INSC: variants seen among roughly 807,000 people sequenced by gnomAD.
The protein encoded by INSC is protein inscuteable homolog.
INSC carries 67 observed loss-of-function variants against 58.6 expected under a neutral mutation model. The ratio of observed to expected loss-of-function variants is 1.14; its 90% confidence interval spans 0.94 to 1.40. INSC has a LOEUF of 1.40. INSC is among the 40% of genes most tolerant of loss of function. The probability of loss-of-function intolerance (pLI) is 0.00; values close to 1 mark genes in which losing one functional copy is unlikely to be tolerated. For synonymous variants in INSC, 262 were observed against 276.1 expected (o/e 0.95, Z 0.51); for missense variants, 714 against 692.0 (o/e 1.03, Z -0.36).
intron 4 of INSC, 79 bp from the exon 5 acceptor site, chr11:15,178,245 C>A: frequency 6.4e-7 from 1 of 1,565,772 alleles, no homozygotes; most frequent in South Asian, 1.2e-5. Flanking sequence ...TGTAGCAGGT[C>A]CAGTTCTGGC....
chr11:15,224,017 C>T (rs1851541617), intron 8 of INSC, among the ~76,000 whole-genome samples: 1 of 152,180 alleles, frequency 6.6e-6, no homozygotes, highest in African/African-American at 2.4e-5. Flanking sequence ...AGAATGGGAA[C>T]TTTGGAGTCA....
the INSC span, among the ~76,000 whole-genome samples, chr11:15,253,767 C>T: frequency 1.3e-5 from 2 of 152,068 alleles, no homozygotes; most frequent in Non-Finnish European, 2.9e-5. Flanking sequence ...ATGACCTGTC[C>T]TGCCTCTCCA....
chr11:15,185,771 A>AT (rs1469382454), intron 5 of INSC, among the ~76,000 whole-genome samples: 8 of 152,200 alleles, frequency 5.3e-5, no homozygotes, highest in Admixed American at 5.2e-4. Context: ...TATTGAATAC[A>AT]TTTGCAAGAG....
intron 9 of INSC, among the ~76,000 whole-genome samples, chr11:15,227,776 T>C (rs1482413292): frequency 1.3e-5 from 2 of 152,190 alleles, no homozygotes; most frequent in Non-Finnish European, 2.9e-5. Flanking sequence ...TTACTCATGC[T>C]CATGTTCTCT....
At chr11:15,162,395 C>G (rs865922979) in intron 2 of INSC, among the ~76,000 whole-genome samples, 1 of 152,196 alleles carries the variant, frequency 6.6e-6, no homozygotes, top group Non-Finnish European at 1.5e-5. Flanking sequence ...TCAGCTAATT[C>G]TTTCACCTCT....
intron 6 of INSC, among the ~76,000 whole-genome samples, chr11:15,198,418 C>T (rs1460655191): frequency 6.6e-6 from 1 of 152,122 alleles, no homozygotes; most frequent in Non-Finnish European, 1.5e-5. Context: ...GAATCCAGTG[C>T]AAATGCATGC....
intron 1 of INSC, among the ~76,000 whole-genome samples, chr11:15,144,054 G>A (rs1216707033): frequency 6.6e-6 from 1 of 152,158 alleles, no homozygotes; most frequent in East Asian, 1.9e-4. Context: ...TCTGCTCTGT[G>A]TGCCTGATTG....
At chr11:15,198,347 C>T (rs1355384058) in intron 6 of INSC, among the ~76,000 whole-genome samples, 1 of 152,170 alleles carries the variant, frequency 6.6e-6, no homozygotes, top group African/African-American at 2.4e-5. Flanking sequence ...CCCCCTCCCT[C>T]TCCTGGTAGC....
intron 2 of INSC, among the ~76,000 whole-genome samples, chr11:15,153,574 G>A (rs76358792): frequency 1.2e-3 from 188 of 152,312 alleles, no homozygotes; most frequent in African/African-American, 4.1e-3. Flanking sequence ...TGAAAAGAAG[G>A]CCAATCAAAG....
intron 8 of INSC, among the ~76,000 whole-genome samples, chr11:15,221,897 G>A (rs1221212857): frequency 6.6e-6 from 1 of 152,118 alleles, no homozygotes; most frequent in African/African-American, 2.4e-5. Flanking sequence ...TGTCAGTTTG[G>A]GATTCATTGG....
Position 15,176,052 on chromosome 11 carries a change from C to G in INSC, c.368C>G (p.Ala123Gly), listed in dbSNP as rs762481750. The G allele has an allele frequency of 9.7e-6, 15 of 1,546,272 alleles. No individual in the cohort carries two copies. The highest frequency in any genetic ancestry group is 1.3e-5 in the Non-Finnish European group (15 of 1,137,078). Reference protein sequence around the residue: ...HARSMVSEYSAVSRNSLKEMG... With the variant: ...HARSMVSEYSGVSRNSLKEMG... ...CGCTCCATGGTCAGCGAGTACAGTGCTGTCAGCAGGAACTCCTTGAAGGAA... is the reference window on the plus strand; with the variant it reads ...CGCTCCATGGTCAGCGAGTACAGTGGTGTCAGCAGGAACTCCTTGAAGGAA... The change falls in exon 3 of 13, where the codon GCT (alanine) becomes GGT (glycine). Residue 123 changes from alanine to glycine, a missense_variant. Physicochemically the swap from Ala to Gly is moderately conservative, Grantham distance 60. Coordinates refer to ENST00000379556, the MANE Select transcript of INSC (RefSeq NM_001042536.3).
chr11:15,243,812 CCTTACCTCACCCTACCTCTCTCCTATTAT>C (rs1443369282), intron 12 of INSC, among the ~76,000 whole-genome samples: 13 of 151,918 alleles, frequency 8.6e-5, no homozygotes, highest in Non-Finnish European at 1.3e-4. Flanking sequence ...CTCTCTGCCT[CCTTACCTCACCCTACCTCTCTCCTATTAT>C]CTCCCCTCCC....
At chr11:15,122,693 A>G (rs1847901740) in intron 1 of INSC, among the ~76,000 whole-genome samples, 1 of 152,032 alleles carries the variant, frequency 6.6e-6, no homozygotes, top group Non-Finnish European at 1.5e-5. Flanking sequence ...GCTTGTAAAT[A>G]TCTCTCAAAT....
chr11:15,177,969 TC>T (rs2133828593), intron 4 of INSC, among the ~76,000 whole-genome samples: 1 of 152,360 alleles, frequency 6.6e-6, no homozygotes, highest in Non-Finnish European at 1.5e-5. Flanking sequence ...TTGGCACCTC[TC>T]TTTGAAGCTT....
At chr11:15,226,869 A>G (rs1000119498) in intron 9 of INSC, among the ~76,000 whole-genome samples, 2 of 152,156 alleles carry the variant, frequency 1.3e-5, no homozygotes, top group African/African-American at 2.4e-5. Flanking sequence ...GGCATGATCC[A>G]TGTTCCCTAG....
downstream of INSC, among the ~76,000 whole-genome samples, chr11:15,251,200 C>T (rs114679791): frequency 5.2e-3 from 790 of 152,176 alleles, 10 homozygotes; most frequent in African/African-American, 0.017. Context: ...ACTAGACATC[C>T]GCATGCAAAA....
intron 2 of INSC, among the ~76,000 whole-genome samples, chr11:15,169,708 AT>A (rs56681092): frequency 5.9e-4 from 86 of 146,326 alleles, no homozygotes; most frequent in Admixed American, 6.1e-4. Context: ...CACCCAGCTA[AT>A]TTTTTTTTTT....
chr11:15,206,309 A>G (rs113374393), intron 7 of INSC, among the ~76,000 whole-genome samples: 94 of 152,320 alleles, frequency 6.2e-4, no homozygotes, highest in African/African-American at 2.1e-3. Flanking sequence ...AGCTGGGCCC[A>G]GAAGGGCCAG....
chr11:15,140,930 G>A (rs569070816), intron 1 of INSC, among the ~76,000 whole-genome samples: 5 of 152,120 alleles, frequency 3.3e-5, no homozygotes, highest in South Asian at 4.2e-4. Flanking sequence ...ATGTTAACCC[G>A]TCTGTGCTTC....
Sources: gnomAD v4.1 joint callset for allele counts (sites outside exome capture counted in the v4.1 genomes callset) on GRCh38, gnomAD v4.1.1 for gene constraint, MANE v1.5 for transcripts, NCBI Gene and HGNC (gene_info 2026-07-23, HGNC 2026-07-21) for gene names.